The following EFHB variants were observed in gnomAD, a reference collection of about 807,000 sequenced individuals.
EFHB encodes the protein EF-hand domain family member B.
Under a neutral mutation model 87.2 loss-of-function variants are expected in EFHB, and 91 were observed. The ratio of observed to expected loss-of-function variants is 1.04; its 90% CI spans 0.88 to 1.24. The LOEUF (loss-of-function observed/expected upper bound fraction) is 1.24, where lower values mean the gene tolerates loss of function less well. Ranked by LOEUF, EFHB falls within the 50% of genes most tolerant of loss-of-function variation. EFHB has a pLI of 0.00. For synonymous variants in EFHB, 325 were observed against 333.6 expected (o/e 0.97, Z 0.28); for missense variants, 1,084 against 998.8 (o/e 1.09, Z -1.15).
chr3:19,900,893 C>T (rs141453061), intron 6 of EFHB, among the ~76,000 whole-genome samples: 1,637 of 149,350 alleles, frequency 0.011, 22 homozygotes, highest in African/African-American at 0.039. Flanking sequence ...CATGCCACGG[C>T]ACCCCAGCCT....
Position 19,905,674 on chromosome 3 carries a change from A to C in EFHB, c.1364T>G (p.Phe455Cys). Residue 455 changes from phenylalanine (F) to cysteine (C), a missense_variant, in exon 6 of 13, where the codon TTT becomes TGT. Transcript: ENST00000295824. ...TTTTGCCATGGCTCGTCCATCATTA[A>C]AATGTGGTGTTGGTACTCCATACAC... ...CSVYGVPTPH[F>C]NDGRAMAKSL... The C allele has an allele frequency of 6.2e-7, 1 of 1,613,916 alleles. No individual in the cohort carries two copies. Among genetic ancestry groups the C allele is most frequent in the South Asian group, 1.1e-5 (1 of 91,070 alleles).
intron 4 of EFHB, among the ~76,000 whole-genome samples, chr3:19,915,847 C>T (rs1695212118): frequency 6.6e-6 from 1 of 151,762 alleles, no homozygotes; most frequent in Non-Finnish European, 1.5e-5. Context: ...GAAGCACGTG[C>T]CTGTGGTCCC....
intron 4 of EFHB, among the ~76,000 whole-genome samples, chr3:19,917,060 C>T (rs148096899): frequency 3.0e-4 from 46 of 151,998 alleles, no homozygotes; most frequent in Admixed American, 7.9e-4. Flanking sequence ...TCATATACAT[C>T]GGATTTCTTA....
chr3:19,892,656 C>A (rs1224269630), intron 9 of EFHB, among the ~76,000 whole-genome samples: 2 of 152,096 alleles, frequency 1.3e-5, no homozygotes, highest in African/African-American at 4.8e-5. Flanking sequence ...AATCCTTGAT[C>A]ATAAGGATAA....
At chr3:19,935,126 G>C (rs1194450413), upstream of EFHB, among the ~76,000 whole-genome samples, 2 of 152,094 alleles carry the variant, frequency 1.3e-5, no homozygotes, top group African/African-American at 4.8e-5. Flanking sequence ...GGCCAGGCTG[G>C]TCTCAAACAC....
At chr3:19,924,954 G>T (rs1482610548) in intron 1 of EFHB, among the ~76,000 whole-genome samples, 1 of 152,020 alleles carries the variant, frequency 6.6e-6, no homozygotes, top group East Asian at 1.9e-4. Flanking sequence ...CTCTTAAATA[G>T]AGTTAGGATG....
rs1458508331 is a variant in EFHB, at chr3:19,933,739, C to T, written c.280G>A (p.Val94Ile). Residue 94 changes from valine (V) to isoleucine (I), a missense_variant, in exon 1 of 13, where the codon GTC becomes ATC. Val to Ile is a conservative substitution (Grantham distance 29). Coordinates refer to ENST00000295824, the MANE Select transcript of EFHB (RefSeq NM_144715.4). ...GGTTTTGTTCCCTGTGAAGCTGAGA[C>T]ACTGTCGACTCCTAAACTACCCCTC... is the stretch of plus-strand genomic sequence containing the variant. ...MQRGSLGVDS[V>I]SASQGTKPSL... 1 of 1,613,982 alleles carries T rather than the reference C, an allele frequency of 6.2e-7. No individual in the cohort carries two copies. Among genetic ancestry groups the T allele is most frequent in the Non-Finnish European group, 8.5e-7 (1 of 1,179,870 alleles).
chr3:19,931,492 A>T (rs1020569942), intron 1 of EFHB, among the ~76,000 whole-genome samples: 8 of 152,202 alleles, frequency 5.3e-5, no homozygotes, highest in Non-Finnish European at 1.2e-4. Flanking sequence ...AAACCCAAAG[A>T]GGAAACCAGA....
intron 1 of EFHB, chr3:19,942,799 G>C (rs4858674): frequency 0.16 from 25,014 of 154,940 alleles, 2,643 homozygotes; most frequent in Non-Finnish European, 0.23. Flanking sequence ...TGCTGCCACT[G>C]ATCTGACAGG....
At chr3:19,927,675 G>A (rs990493197) in intron 1 of EFHB, among the ~76,000 whole-genome samples, 5 of 152,218 alleles carry the variant, frequency 3.3e-5, no homozygotes, top group African/African-American at 1.2e-4. Flanking sequence ...TTATCCTCAA[G>A]CATTGATCTT....
In EFHB at chr3:19,919,968, A is replaced by G. The variant is rs1345378967; in HGVS notation, c.861T>C (p.Thr287=). 6.2e-7 allele frequency: 1 copy of G among 1,613,518 alleles called. No homozygotes were observed. The highest frequency in any genetic ancestry group is 1.3e-5 in the African/African-American group (1 of 74,900). The change falls in exon 3 of 13, where the codon ACT becomes ACC. Residue 287 remains threonine, a synonymous_variant. Coordinates refer to ENST00000295824, the MANE Select transcript of EFHB (RefSeq NM_144715.4). The part of the protein sequence containing the change: ...CLTEKLPRLI[T]PPEAKKYFNF... ...TGAAATACTTTTTTGCTTCAGGTGG[A>G]GTAATTAGCTACAAAGAGTGAGGCA...
At chr3:19,917,824 C>T (rs1442730453) in intron 4 of EFHB, among the ~76,000 whole-genome samples, 1 of 152,124 alleles carries the variant, frequency 6.6e-6, no homozygotes, top group Non-Finnish European at 1.5e-5. Context: ...ACAGCATTTA[C>T]CATACTTATC....
At chr3:19,934,771 G>A (rs1374135985), upstream of EFHB, among the ~76,000 whole-genome samples, 1 of 152,024 alleles carries the variant, frequency 6.6e-6, no homozygotes, top group African/African-American at 2.4e-5. Flanking sequence ...AAGTACCTCC[G>A]CCCTGCATGT....
chr3:19,932,466 T>C (rs1222938633), intron 1 of EFHB, among the ~76,000 whole-genome samples: 1 of 152,242 alleles, frequency 6.6e-6, no homozygotes, highest in East Asian at 1.9e-4. Flanking sequence ...CAACTGTTTA[T>C]GCCTCTCGAA....
At chr3:19,890,728 C>G (rs1694278379) in intron 9 of EFHB, among the ~76,000 whole-genome samples, 1 of 152,242 alleles carries the variant, frequency 6.6e-6, no homozygotes. Flanking sequence ...ATTAGAGCCT[C>G]TGGAAAAGAA....
At chr3:19,899,844 G>A (rs983093420) in intron 6 of EFHB, among the ~76,000 whole-genome samples, 1 of 151,902 alleles carries the variant, frequency 6.6e-6, no homozygotes, top group African/African-American at 2.4e-5. Context: ...AGGCTGAGGT[G>A]GGCAGATGGC....
At chr3:19,892,931 T>C (rs1273615110) in intron 9 of EFHB, among the ~76,000 whole-genome samples, 1 of 147,476 alleles carries the variant, frequency 6.8e-6, no homozygotes, top group East Asian at 1.9e-4. Flanking sequence ...TAACTTCACC[T>C]TTTTCCCAAT....
intron 1 of EFHB, among the ~76,000 whole-genome samples, chr3:19,930,727 C>A (rs903652540): frequency 2.6e-5 from 4 of 152,182 alleles, no homozygotes; most frequent in African/African-American, 9.7e-5. Flanking sequence ...GCACCTCTCC[C>A]AAGTAGCTAG....
intron 1 of EFHB, among the ~76,000 whole-genome samples, chr3:19,923,667 G>A (rs971329570): frequency 1.3e-5 from 2 of 152,046 alleles, no homozygotes; most frequent in South Asian, 2.1e-4. Context: ...GAGCCACCAC[G>A]CCCAGCCTGC....
Sources: allele counts gnomAD v4.1 joint callset (sites outside exome capture counted in the v4.1 genomes callset), GRCh38; gene constraint gnomAD v4.1.1; transcripts MANE v1.5; gene names NCBI Gene and HGNC (gene_info 2026-07-23, HGNC 2026-07-21).